Variants in MARCHF7 observed in about 807,000 individuals in gnomAD.
MARCHF7 encodes the protein E3 ubiquitin-protein ligase MARCHF7.
In MARCHF7, 20 loss-of-function variants were observed where a neutral mutation model predicts 76.5. That is an observed-to-expected ratio of 0.26 (90% CI 0.18 to 0.38). The LOEUF is 0.38. MARCHF7 is among the 10% of genes least tolerant of loss of function. The pLI is 1.00. For synonymous variants in MARCHF7, 295 were observed against 293.0 expected (o/e 1.01, Z -0.07); for missense variants, 797 against 812.9 (o/e 0.98, Z 0.24).
intron 6 of MARCHF7, 107 bp from the exon 7 acceptor site, chr2:159,747,698 A>G (rs1435678600): frequency 4.0e-6 from 4 of 1,010,406 alleles, no homozygotes; most frequent in Non-Finnish European, 5.8e-6. Flanking sequence ...ACAATATAAC[A>G]GTATTAAGTT....
intron 6 of MARCHF7, among the ~76,000 whole-genome samples, chr2:159,746,923 G>A (rs574538052): frequency 6.6e-6 from 1 of 152,260 alleles, no homozygotes; most frequent in South Asian, 2.1e-4. Context: ...GCTTTGGATG[G>A]TAGAGCTTTA....
At chr2:159,719,417 A>G (rs1404583886) in intron 3 of MARCHF7, among the ~76,000 whole-genome samples, 1 of 143,712 alleles carries the variant, frequency 7.0e-6, no homozygotes, top group Non-Finnish European at 1.6e-5. Context: ...CAATCCCCTG[A>G]AAGAAAAACA....
At chr2:159,720,498 C>T (rs1381806013) in intron 3 of MARCHF7, among the ~76,000 whole-genome samples, 1 of 152,160 alleles carries the variant, frequency 6.6e-6, no homozygotes, top group African/African-American at 2.4e-5. Context: ...TATTCAAACA[C>T]ACTAAGCATA....
At chr2:159,754,527 C>T (rs1574404547) in intron 8 of MARCHF7, among the ~76,000 whole-genome samples, 1 of 151,856 alleles carries the variant, frequency 6.6e-6, no homozygotes, top group African/African-American at 2.4e-5. Context: ...AATTTACTAC[C>T]AAGGAGACTG....
At chr2:159,729,792 C>CT (rs1702571651) in intron 4 of MARCHF7, among the ~76,000 whole-genome samples, 2 of 152,128 alleles carry the variant, frequency 1.3e-5, no homozygotes, top group Non-Finnish European at 2.9e-5. Context: ...AAAACTGTAC[C>CT]TCCTTTCCCT....
chr2:159,723,996 C>T (rs1196541439), intron 3 of MARCHF7, among the ~76,000 whole-genome samples: 3 of 152,056 alleles, frequency 2.0e-5, no homozygotes, highest in Admixed American at 1.3e-4. Flanking sequence ...ATCGCTGCTT[C>T]CTGGGTTTCA....
At chr2:159,713,195 T>C (rs1430751482) in intron 1 of MARCHF7, among the ~76,000 whole-genome samples, 1 of 152,206 alleles carries the variant, frequency 6.6e-6, no homozygotes, top group Non-Finnish European at 1.5e-5. Flanking sequence ...TGTGTTGTGG[T>C]GAATTGTGGG....
At chr2:159,766,120 G>A (rs1217952645) in intron 11 of MARCHF7, among the ~76,000 whole-genome samples, 3 of 152,132 alleles carry the variant, frequency 2.0e-5, no homozygotes, top group Non-Finnish European at 4.4e-5. Context: ...AAAGACAAGG[G>A]TGCTGCAAGT....
At chr2:159,727,330 G>A (rs1344007605) in intron 3 of MARCHF7, among the ~76,000 whole-genome samples, 1 of 152,226 alleles carries the variant, frequency 6.6e-6, no homozygotes, top group Non-Finnish European at 1.5e-5. Context: ...GCTCATGCCT[G>A]TAATCCCAGC....
Position 159,770,440 on chromosome 2 carries a change from C to G in MARCHF7, c.*3098C>G, listed in dbSNP as rs1266758243. On this transcript the variant is annotated 3_prime_UTR_variant, in exon 12 of 12. Transcript: ENST00000409175. ...TTAATTGTGATGAGTGTTTTCGATT[C>G]ATGTGGTCAATAAAAAGAGACTACA... The G allele has an allele frequency of 6.6e-6, 1 of 152,002 alleles. No homozygotes were observed. The highest frequency in any genetic ancestry group is 2.4e-5 in the African/African-American group (1 of 41,346). 9.4% of individuals were successfully genotyped at this position (152,002 alleles called of 1,614,324 possible). A position where few individuals can be genotyped will look rare whatever the true frequency, so the allele number is the denominator to read the frequency against.
rs572369541 is a variant in MARCHF7 at position 159,741,113 on chromosome 2, AC to A, written c.154-1946del. ...AGCCAGGCCAGATGTGGTGGCTCACACCTGTAATCCTAGCACTTTGAGATGC... is the reference window on the plus strand; with the variant it reads ...AGCCAGGCCAGATGTGGTGGCTCACACTGTAATCCTAGCACTTTGAGATGC... On this transcript the variant is annotated intron_variant, in intron 4 of 11. Coordinates refer to ENST00000409175, the MANE Select transcript of MARCHF7 (RefSeq NM_001282805.2). 2.0e-5 allele frequency among the ~76,000 whole-genome samples: 3 copies of A among 152,314 alleles called. No individual in the cohort carries two copies. In the South Asian group the frequency reaches 6.2e-4, roughly 32 times the overall value.
intron 4 of MARCHF7, among the ~76,000 whole-genome samples, chr2:159,736,309 T>C (rs749428206): frequency 6.6e-6 from 1 of 152,216 alleles, no homozygotes; most frequent in Non-Finnish European, 1.5e-5. Flanking sequence ...GCCATCCCAA[T>C]GGGTATGAAG....
chr2:159,740,757 C>G (rs1176655194), intron 4 of MARCHF7, among the ~76,000 whole-genome samples: 1 of 152,174 alleles, frequency 6.6e-6, no homozygotes, highest in African/African-American at 2.4e-5. Context: ...AAAGGATGGG[C>G]GAATTCCTGA....
chr2:159,730,699 C>T (rs530740749), intron 4 of MARCHF7, among the ~76,000 whole-genome samples: 175 of 152,212 alleles, frequency 1.1e-3, no homozygotes, highest in Non-Finnish European at 2.1e-3. Context: ...ATATAAAGGG[C>T]ACAGAATTGT....
chr2:159,764,491 G>T, intron 10 of MARCHF7, 135 bp from the exon 11 acceptor site: 1 of 472,262 alleles, frequency 2.1e-6, no homozygotes. Flanking sequence ...TGATGTTAGG[G>T]GGAGAAAAAC....
intron 3 of MARCHF7, among the ~76,000 whole-genome samples, chr2:159,722,853 A>G (rs768289141): frequency 1.3e-5 from 2 of 152,192 alleles, no homozygotes; most frequent in Non-Finnish European, 2.9e-5. Flanking sequence ...TATCTCTCTC[A>G]AAGGACTCTG....
rs189378364 is a variant in MARCHF7, at chr2:159,738,330, G to A, written c.154-4731G>A. On this transcript the variant is annotated intron_variant, in intron 4 of 11. Transcript: ENST00000409175. ...GGTCTGGACTCCCCAAAGGGTCAGA[G>A]CTCTTCCGTCCTTGTCGCCGGCAGC... 2.4e-4 allele frequency among the ~76,000 whole-genome samples: 37 copies of A among 152,298 alleles called. No homozygotes were observed. The East Asian group carries it at 5.6e-3, about 23-fold the overall frequency.
rs944839083 is a variant in MARCHF7 at position 159,769,001 on chromosome 2, C to T, written c.*1659C>T. 5.9e-5 allele frequency: 9 copies of T among 152,014 alleles called. No homozygotes were observed. The highest frequency in any genetic ancestry group is 1.7e-4 in the African/African-American group (7 of 41,400). The allele number at this position is 152,014 out of a possible 1,614,324, so 9.4% of individuals were successfully genotyped here. ...AAGCTTTACAGTATTCTTGTAGTTC[C>T]CTAGTACCACTTAGTATTTAAATAT... On this transcript the variant is annotated 3_prime_UTR_variant, in exon 12 of 12. Coordinates refer to ENST00000409175, the MANE Select transcript of MARCHF7 (RefSeq NM_001282805.2).
chr2:159,713,056 CG>C (rs1316574301), intron 1 of MARCHF7, among the ~76,000 whole-genome samples: 1 of 152,174 alleles, frequency 6.6e-6, no homozygotes, highest in African/African-American at 2.4e-5. Context: ...GGGGCAAAGG[CG>C]GGCAGGGCTC....
Sources: gnomAD v4.1 joint callset for allele counts (sites outside exome capture counted in the v4.1 genomes callset) on GRCh38, gnomAD v4.1.1 for gene constraint, MANE v1.5 for transcripts, NCBI Gene and HGNC (gene_info 2026-07-23, HGNC 2026-07-21) for gene names.